The following FBXL17 variants were observed in gnomAD, a reference collection of about 807,000 sequenced individuals.
The protein encoded by FBXL17 is F-box/LRR-repeat protein 17.
A neutral mutation model predicts 66.2 loss-of-function variants in FBXL17; 22 were observed. The observed-to-expected ratio is 0.33, with a 90% CI of 0.24 to 0.47. The LOEUF is 0.47. Among genes scored for constraint, FBXL17 ranks in the 20% least tolerant of loss-of-function variants. FBXL17 has a pLI of 1.00. For missense variants in FBXL17, 878 were observed against 948.2 expected (o/e 0.93, Z 0.97); for synonymous variants, 474 against 400.5 (o/e 1.18, Z -2.19).
At chr5:108,290,286 G>C (rs1423869198) in intron 4 of FBXL17, among the ~76,000 whole-genome samples, 1 of 152,148 alleles carries the variant, frequency 6.6e-6, no homozygotes, top group Non-Finnish European at 1.5e-5. Flanking sequence ...GTGAATGTTA[G>C]CACATATAGT....
chr5:107,904,517 A>G (rs1454148091), intron 7 of FBXL17, among the ~76,000 whole-genome samples: 2 of 152,154 alleles, frequency 1.3e-5, no homozygotes, highest in African/African-American at 4.8e-5. Flanking sequence ...ATATATAACT[A>G]TATCTAGTTT....
intron 6 of FBXL17, among the ~76,000 whole-genome samples, chr5:108,051,976 G>C (rs1424186764): frequency 2.0e-5 from 3 of 151,914 alleles, no homozygotes; most frequent in Non-Finnish European, 2.9e-5. Context: ...AGCCGGGTCT[G>C]GTGGCGGGCT....
intron 6 of FBXL17, among the ~76,000 whole-genome samples, chr5:108,069,990 C>A (rs1027802467): frequency 6.6e-6 from 1 of 152,182 alleles, no homozygotes; most frequent in African/African-American, 2.4e-5. Context: ...TTGGTTGATT[C>A]TTCCTCTATT....
intron 7 of FBXL17, among the ~76,000 whole-genome samples, chr5:107,983,964 A>G (rs1427672808): frequency 6.6e-6 from 1 of 152,134 alleles, no homozygotes; most frequent in Admixed American, 6.5e-5. Flanking sequence ...TGACGCCCAG[A>G]AAACAAAAGA....
chr5:108,285,582 G>A (rs911242881), intron 4 of FBXL17, among the ~76,000 whole-genome samples: 1 of 151,788 alleles, frequency 6.6e-6, no homozygotes, highest in Non-Finnish European at 1.5e-5. Flanking sequence ...TTGTCAATGA[G>A]TGGTATTATT....
chr5:108,131,780 T>C (rs1310142824), intron 6 of FBXL17, among the ~76,000 whole-genome samples: 1 of 152,192 alleles, frequency 6.6e-6, no homozygotes, highest in African/African-American at 2.4e-5. Flanking sequence ...TATAGCTTTC[T>C]CTTATAATTT....
intron 2 of FBXL17, among the ~76,000 whole-genome samples, chr5:108,367,107 G>A (rs1323085841): frequency 6.6e-6 from 1 of 151,926 alleles, no homozygotes; most frequent in East Asian, 1.9e-4. Flanking sequence ...ATACACCATG[G>A]CAGAATTTAG....
At chr5:108,019,676 C>T in intron 7 of FBXL17, among the ~76,000 whole-genome samples, 1 of 151,910 alleles carries the variant, frequency 6.6e-6, no homozygotes, top group Admixed American at 6.6e-5. Flanking sequence ...CTCTCTCTCT[C>T]TCTCTCAATA....
chr5:108,224,400 A>G (rs2044710), intron 4 of FBXL17, among the ~76,000 whole-genome samples, 172 bp from the exon 5 acceptor site: 68,972 of 151,826 alleles, frequency 0.45, 15,973 homozygotes, highest in Non-Finnish European at 0.5. Context: ...TTTAAAAGTC[A>G]TCTCTTGACC....
At chr5:108,310,636 T>C (rs1024589452) in intron 4 of FBXL17, among the ~76,000 whole-genome samples, 5 of 152,176 alleles carry the variant, frequency 3.3e-5, no homozygotes, top group African/African-American at 1.2e-4. Context: ...TTAAACTGTT[T>C]CAAGAAATAA....
At chr5:108,016,982 T>C (rs1238764593) in intron 7 of FBXL17, among the ~76,000 whole-genome samples, 4 of 152,108 alleles carry the variant, frequency 2.6e-5, no homozygotes, top group South Asian at 4.1e-4. Flanking sequence ...TTTTACCATG[T>C]TGGTCAGGCC....
At chr5:107,922,985 C>T (rs539259430) in intron 7 of FBXL17, among the ~76,000 whole-genome samples, 26 of 152,304 alleles carry the variant, frequency 1.7e-4, no homozygotes, top group African/African-American at 5.8e-4. Flanking sequence ...AAAGCACTTC[C>T]TACCAGTGTT....
chr5:108,044,557 T>C (rs1227569213), intron 6 of FBXL17, among the ~76,000 whole-genome samples: 3 of 152,186 alleles, frequency 2.0e-5, no homozygotes, highest in Admixed American at 1.3e-4. Flanking sequence ...CTCACATTTG[T>C]AAAGGATTCA....
At chr5:107,962,167 A>C (rs1442715391) in intron 7 of FBXL17, among the ~76,000 whole-genome samples, 1 of 152,184 alleles carries the variant, frequency 6.6e-6, no homozygotes, top group Non-Finnish European at 1.5e-5. Flanking sequence ...ATGGTTGTAC[A>C]ACACTGTGAA....
chr5:107,923,046 T>C (rs1352208325), intron 7 of FBXL17, among the ~76,000 whole-genome samples: 5 of 152,174 alleles, frequency 3.3e-5, no homozygotes, highest in Non-Finnish European at 7.3e-5. Context: ...GGCAAAGCCC[T>C]TTTTGAAAAT....
At chr5:107,970,232 G>A (rs781259588) in intron 7 of FBXL17, among the ~76,000 whole-genome samples, 3 of 152,052 alleles carry the variant, frequency 2.0e-5, no homozygotes, top group Non-Finnish European at 2.9e-5. Context: ...GACCTGTGAT[G>A]GTTCTCTTTG....
intron 4 of FBXL17, among the ~76,000 whole-genome samples, chr5:108,311,325 C>T (rs563808506): frequency 4.6e-5 from 7 of 152,140 alleles, no homozygotes; most frequent in African/African-American, 1.7e-4. Context: ...GCGCCTGCCA[C>T]CATGCCCAGC....
chr5:108,178,460 G>C (rs948226878), intron 6 of FBXL17, among the ~76,000 whole-genome samples: 8 of 152,152 alleles, frequency 5.3e-5, no homozygotes, highest in Non-Finnish European at 8.8e-5. Context: ...CAAAAAAATA[G>C]TGTCAAAAAT....
chr5:108,017,446 G>T (rs905062127), intron 7 of FBXL17, among the ~76,000 whole-genome samples: 1 of 152,154 alleles, frequency 6.6e-6, no homozygotes, highest in Admixed American at 6.5e-5. Context: ...GAGGGAAAGA[G>T]AAAGAAGATT....
Sources: gnomAD v4.1 joint callset for allele counts (sites outside exome capture counted in the v4.1 genomes callset) on GRCh38, gnomAD v4.1.1 for gene constraint, MANE v1.5 for transcripts, NCBI Gene and HGNC (gene_info 2026-07-23, HGNC 2026-07-21) for gene names.